TMTC2: variants seen among roughly 807,000 people sequenced by gnomAD.
The protein encoded by TMTC2 is transmembrane O-mannosyltransferase targeting cadherins 2.
In TMTC2, 43 loss-of-function variants were observed where a neutral mutation model predicts 82.4. That is an observed-to-expected ratio of 0.52 (90% CI 0.41 to 0.67). TMTC2 has a LOEUF of 0.67. Ranked by LOEUF, TMTC2 falls within the 30% of genes least tolerant of loss-of-function variation. The probability of loss-of-function intolerance (pLI) is 0.00; values close to 1 mark genes in which losing one functional copy is unlikely to be tolerated. For synonymous variants in TMTC2, 408 were observed against 381.9 expected (o/e 1.07, Z -0.80); for missense variants, 919 against 1,012.4 (o/e 0.91, Z 1.25).
intron 3 of TMTC2, among the ~76,000 whole-genome samples, chr12:82,901,772 C>T (rs901997506): frequency 6.6e-6 from 1 of 152,018 alleles, no homozygotes; most frequent in African/African-American, 2.4e-5. Flanking sequence ...TTGCTATAGC[C>T]GTGGGTGCCA....
intron 3 of TMTC2, among the ~76,000 whole-genome samples, chr12:82,914,450 A>G (rs1874877271): frequency 6.6e-6 from 1 of 152,204 alleles, no homozygotes; most frequent in Admixed American, 6.5e-5. Context: ...CTGATGTACT[A>G]TATTTGAGAG....
At chr12:82,868,149 A>G (rs995214817) in intron 2 of TMTC2, among the ~76,000 whole-genome samples, 6 of 152,230 alleles carry the variant, frequency 3.9e-5, no homozygotes, top group Admixed American at 3.9e-4. Context: ...GTCTTATAGC[A>G]GGTATCATCA....
rs536024910 is a variant in TMTC2 at position 82,800,606 on chromosome 12, T to C, written c.84-56404T>C. Among the ~76,000 whole-genome samples the C allele has an allele frequency of 1.4e-4, 22 of 152,266 alleles. No individual in the cohort carries two copies. In the South Asian group the frequency reaches 3.9e-3, roughly 27 times the overall value. The stretch of plus-strand genomic sequence containing the variant: ...TTGCTTAAGCTCCTGAAGTAGTAAA[T>C]GCTATTTAACATCCTCCCACCACCA... On this transcript the variant is annotated intron_variant, in intron 1 of 11. Transcript: ENST00000321196.
intron 3 of TMTC2, among the ~76,000 whole-genome samples, chr12:82,906,428 G>A (rs1265052582): frequency 6.6e-6 from 1 of 152,168 alleles, no homozygotes; most frequent in Admixed American, 6.5e-5. Flanking sequence ...ACTTTGGGAG[G>A]CCAAGGCAGG....
chr12:83,103,647 A>G (rs1409324291), intron 11 of TMTC2, among the ~76,000 whole-genome samples: 1 of 152,174 alleles, frequency 6.6e-6, no homozygotes, highest in Non-Finnish European at 1.5e-5. Flanking sequence ...ACATTTCAAC[A>G]TGAGATTTGT....
At chr12:83,048,058 C>T (rs556307373) in intron 9 of TMTC2, among the ~76,000 whole-genome samples, 3 of 152,252 alleles carry the variant, frequency 2.0e-5, no homozygotes, top group African/African-American at 4.8e-5. Flanking sequence ...TTAATAATTT[C>T]CTACATTATC....
intron 1 of TMTC2, among the ~76,000 whole-genome samples, chr12:82,712,830 G>T (rs143138563): frequency 1.2e-4 from 19 of 152,242 alleles, no homozygotes; most frequent in Non-Finnish European, 2.1e-4. Context: ...ATCTAACAGA[G>T]AATCCTCTAA....
chr12:82,786,738 C>G (rs766955933), intron 1 of TMTC2, among the ~76,000 whole-genome samples: 1 of 152,098 alleles, frequency 6.6e-6, no homozygotes, highest in Non-Finnish European at 1.5e-5. Context: ...GAGAGTGTCT[C>G]CAGCTCCTTA....
chr12:82,869,838 C>CA lies in TMTC2; in HGVS notation c.654+12269dup, dbSNP rs554323207. 9.6e-3 allele frequency among the ~76,000 whole-genome samples: 1,185 copies of CA among 123,304 alleles called. 10 individuals are homozygous for CA. Among genetic ancestry groups the CA allele is most frequent in the African/African-American group, 0.025 (818 of 32,730 alleles). 80.9% of individuals were successfully genotyped at this position (123,304 alleles called of 152,430 possible). A position where few individuals can be genotyped will look rare whatever the true frequency, so the allele number is the denominator to read the frequency against. On this transcript the variant is annotated intron_variant, in intron 2 of 11. Transcript: ENST00000321196. ...TTGGTTACAGAGTGAGACCCTGTCTCAAAAAAAAAAATAAATAAAAAATAA... is the reference window on the plus strand; with the variant it reads ...TTGGTTACAGAGTGAGACCCTGTCTCAAAAAAAAAAAATAAATAAAAAATAA...
chr12:82,842,838 T>C (rs574995704), intron 1 of TMTC2, among the ~76,000 whole-genome samples: 1 of 152,312 alleles, frequency 6.6e-6, no homozygotes, highest in Non-Finnish European at 1.5e-5. Context: ...ATTTTTTTTC[T>C]TGGACACCAG....
At chr12:82,841,960 G>T (rs1291935412) in intron 1 of TMTC2, among the ~76,000 whole-genome samples, 2 of 152,080 alleles carry the variant, frequency 1.3e-5, no homozygotes, top group African/African-American at 4.8e-5. Context: ...GTTTTTTATA[G>T]CTTTATTGAG....
At chr12:83,025,896 C>T (rs1035544892) in intron 8 of TMTC2, among the ~76,000 whole-genome samples, 1 of 152,202 alleles carries the variant, frequency 6.6e-6, no homozygotes, top group Non-Finnish European at 1.5e-5. Flanking sequence ...ACATCCTCAG[C>T]ATAGGAACTT....
At chr12:82,936,994 A>G (rs146589924) in intron 4 of TMTC2, among the ~76,000 whole-genome samples, 251 of 152,326 alleles carry the variant, frequency 1.6e-3, no homozygotes, top group Middle Eastern at 6.8e-3. Flanking sequence ...TCTTTGAACT[A>G]TGTAAGTATA....
chr12:83,103,783 A>C (rs1884305433), intron 11 of TMTC2, among the ~76,000 whole-genome samples: 2 of 152,252 alleles, frequency 1.3e-5, no homozygotes, highest in East Asian at 3.8e-4. Context: ...ATTCCAGCTT[A>C]ACTCAAAAGT....
rs139896991 is a variant in TMTC2 at position 82,949,837 on chromosome 12, G to A, written c.1599-15187G>A. 8.6e-3 allele frequency among the ~76,000 whole-genome samples: 1,306 copies of A among 152,272 alleles called. 21 individuals are homozygous for A. Among genetic ancestry groups the A allele is most frequent in the African/African-American group, 0.03 (1,238 of 41,544 alleles). On this transcript the variant is annotated intron_variant, in intron 4 of 11. Coordinates refer to ENST00000321196, the MANE Select transcript of TMTC2 (RefSeq NM_152588.3). ...CTGGCAACCACGTCCATGAAGAGGA[G>A]TGAGTCCAAAGCACAAGAGTAACTC...
At chr12:83,092,379 G>T (rs1485657889) in intron 11 of TMTC2, among the ~76,000 whole-genome samples, 1 of 152,182 alleles carries the variant, frequency 6.6e-6, no homozygotes, top group Non-Finnish European at 1.5e-5. Context: ...GTCCCAGTGT[G>T]TTGGAAAACA....
intron 8 of TMTC2, among the ~76,000 whole-genome samples, chr12:82,992,901 T>A (rs1288129110): frequency 6.6e-6 from 1 of 152,206 alleles, no homozygotes; most frequent in East Asian, 1.9e-4. Flanking sequence ...CAAATTCTTT[T>A]GAGTATGCCA....
intron 9 of TMTC2, among the ~76,000 whole-genome samples, chr12:83,039,706 A>G (rs1189199428): frequency 2.0e-5 from 3 of 152,160 alleles, no homozygotes; most frequent in Non-Finnish European, 2.9e-5. Context: ...TTTGTGCTAT[A>G]CTGCAATGTT....
intron 6 of TMTC2, among the ~76,000 whole-genome samples, chr12:82,966,434 A>G (rs970137111): frequency 1.3e-5 from 2 of 152,090 alleles, no homozygotes; most frequent in African/African-American, 2.4e-5. Context: ...GCAATGTATT[A>G]AAACTATACT....
Sources: gnomAD v4.1 joint callset for allele counts (sites outside exome capture counted in the v4.1 genomes callset) on GRCh38, gnomAD v4.1.1 for gene constraint, MANE v1.5 for transcripts, NCBI Gene and HGNC (gene_info 2026-07-23, HGNC 2026-07-21) for gene names.